TP53BP1: variants seen among roughly 807,000 people sequenced by gnomAD.
TP53BP1 encodes the protein tumor protein p53 binding protein 1.
TP53BP1 carries 61 observed loss-of-function variants against 200.8 expected under a neutral mutation model. That is an observed-to-expected ratio of 0.30 (90% CI 0.25 to 0.38). The LOEUF is 0.38. Among genes scored for constraint, TP53BP1 ranks in the 10% least tolerant of loss-of-function variants. The probability of loss-of-function intolerance (pLI) is 1.00; values close to 1 mark genes in which losing one functional copy is unlikely to be tolerated. For missense variants in TP53BP1, 2,144 were observed against 2,371.9 expected, an observed-to-expected ratio of 0.90 and a Z score of 2.00; for synonymous variants, 822 against 844.3, an observed-to-expected ratio of 0.97 and a Z score of 0.46.
chr15:43,460,139 AAATT>A (rs138459914), intron 11 of TP53BP1, among the ~76,000 whole-genome samples: 119 of 152,290 alleles, frequency 7.8e-4, no homozygotes, highest in Admixed American at 1.4e-3. Flanking sequence ...TTAAAAAGAG[AAATT>A]AATACAAAAC....
At chr15:43,478,657 A>G (rs2078917679) in intron 7 of TP53BP1, among the ~76,000 whole-genome samples, 1 of 152,218 alleles carries the variant, frequency 6.6e-6, no homozygotes, top group African/African-American at 2.4e-5. Flanking sequence ...TTAAGAGCCT[A>G]AAGAACCTGA....
Position 43,438,375 on chromosome 15 carries a change from G to T in TP53BP1, c.3140C>A (p.Ala1047Asp). ...ACTTCGAGCCTCATTCTCTTGCCTG[G>T]CTTCACAGATACAGCTCAACACAGA... ...TMSVLSCICE[A>D]RQENEARSED... is the part of the protein sequence containing the mutation. The change falls in exon 16 of 28, where the codon GCC becomes GAC. Residue 1047 changes from alanine (A) to aspartate (D), a missense_variant. This residue lies in a region of TP53BP1 where 1,700 missense variants were observed against 1,710.3 expected (regional missense o/e 0.99). Transcript: ENST00000382044. 1 of 1,613,790 alleles carries T rather than the reference G, an allele frequency of 6.2e-7. No homozygotes were observed. The highest frequency in any genetic ancestry group is 1.1e-5 in the South Asian group (1 of 90,970).
intron 1 of TP53BP1, 129 bp from the exon 2 acceptor site, chr15:43,492,597 A>T (rs189890450): frequency 1.5e-6 from 1 of 670,580 alleles, no homozygotes; most frequent in Non-Finnish European, 2.5e-6. Context: ...CTCCAATTAG[A>T]ATATTATATT....
At chr15:43,503,875 T>C (rs1299506968) in intron 1 of TP53BP1, among the ~76,000 whole-genome samples, 1 of 152,220 alleles carries the variant, frequency 6.6e-6, no homozygotes, top group African/African-American at 2.4e-5. Flanking sequence ...GGGTGGTTGG[T>C]TCCGTACTGA....
chr15:43,493,350 G>A (rs557865357), upstream of TP53BP1, among the ~76,000 whole-genome samples: 2 of 152,230 alleles, frequency 1.3e-5, no homozygotes, highest in East Asian at 1.9e-4. Flanking sequence ...GGAGAATGAC[G>A]GTATCCTTGA....
chr15:43,477,745 G>T lies in TP53BP1; in HGVS notation c.803C>A (p.Pro268His). 6.2e-7 allele frequency: 1 copy of T among 1,609,188 alleles called. No homozygotes were observed. Among genetic ancestry groups the T allele is most frequent in the Non-Finnish European group, 8.5e-7 (1 of 1,178,120 alleles). ...AGCAACAGATGCTTTGGGGCTAAAAGGCATGTCCTCTGACCTAGGAAATTC... is the reference window on the plus strand; with the variant it reads ...AGCAACAGATGCTTTGGGGCTAAAATGCATGTCCTCTGACCTAGGAAATTC... ...NPPPARSEDM[P>H]FSPKASVAAM... Residue 268 changes from proline to histidine, a missense_variant, in exon 8 of 28, where the codon CCT (proline) becomes CAT (histidine). Physicochemically the swap from Pro to His is moderately conservative, Grantham distance 77. This residue lies in a region of TP53BP1 where 1,700 missense variants were observed against 1,710.3 expected (regional missense o/e 0.99). Coordinates refer to ENST00000382044, the MANE Select transcript of TP53BP1 (RefSeq NM_001141980.3).
chr15:43,444,753 C>A (rs773989366), intron 14 of TP53BP1, among the ~76,000 whole-genome samples: 3 of 151,778 alleles, frequency 2.0e-5, no homozygotes, highest in Non-Finnish European at 2.9e-5. Context: ...TCTCTGGTCT[C>A]AGGGAAGAAG....
chr15:43,437,545 G>A (rs1283446750), intron 16 of TP53BP1, among the ~76,000 whole-genome samples: 1 of 151,356 alleles, frequency 6.6e-6, no homozygotes, highest in Non-Finnish European at 1.5e-5. Context: ...AGCCCAAGAG[G>A]TAAAGGCTTC....
chr15:43,497,267 C>A (rs1380651125), upstream of TP53BP1: 1 of 203,970 alleles, frequency 4.9e-6, no homozygotes, highest in Non-Finnish European at 8.7e-6. Context: ...GTATTCCCAG[C>A]TACTCAGGAG....
intron 12 of TP53BP1, among the ~76,000 whole-genome samples, chr15:43,450,198 T>C (rs1027361466): frequency 6.6e-6 from 1 of 152,200 alleles, no homozygotes; most frequent in Non-Finnish European, 1.5e-5. Flanking sequence ...AGTGGGAGTA[T>C]GTGTCCTTTA....
intron 4 of TP53BP1, among the ~76,000 whole-genome samples, chr15:43,483,233 A>AACACACACACAC (rs71431896): frequency 0.014 from 1,940 of 142,782 alleles, 37 homozygotes; most frequent in African/African-American, 0.04. Flanking sequence ...AAAAGTACAG[A>AACACACACACAC]ACACACACAC....
Position 43,409,706 on chromosome 15 carries a change from T to A in TP53BP1, c.5341A>T (p.Thr1781Ser). 6.4e-7 allele frequency: 1 copy of A among 1,573,534 alleles called. No individual in the cohort carries two copies. The highest frequency in any genetic ancestry group is 8.6e-7 in the Non-Finnish European group (1 of 1,162,794). ...GCTCCTGCTCGAAGCTGGGATTCTG[T>A]ATACTGCTTGTTGAAAGGAGGAATT... ...LEIPPFNKQY[T>S]ESQLRAGAGY... The change falls in exon 25 of 28, where the codon ACA (threonine) becomes TCA (serine). Residue 1781 changes from threonine to serine, a missense_variant. Thr to Ser is a moderately conservative substitution (Grantham distance 58, BLOSUM62 1). This residue lies in a region of TP53BP1 where 334 missense variants were observed against 453.4 expected (regional missense o/e 0.74). Transcript: ENST00000382044.
intron 16 of TP53BP1, among the ~76,000 whole-genome samples, chr15:43,433,078 CT>C (rs1056629928): frequency 6.6e-6 from 1 of 152,048 alleles, no homozygotes; most frequent in African/African-American, 2.4e-5. Context: ...GTCAAGATGT[CT>C]TATCTGGCCT....
At position 43,407,553 on chromosome 15, in the gene TP53BP1, A is replaced by G; in HGVS notation, c.5764T>C (p.Phe1922Leu). ...GAGGGGTCCGTCACCACCACATCAA[A>G]TACCCCTAAAGCAATATCTGCAAGG... ...AHNKDIALGV[F>L]DVVVTDPSCP... is the part of the protein sequence containing the mutation. The change falls in exon 28 of 28, where the codon TTT becomes CTT. Residue 1922 changes from phenylalanine to leucine, a missense_variant. Around this residue, in one of 4 missense-constraint regions of TP53BP1, gnomAD observed 334 missense variants for 453.4 expected, o/e 0.74. Coordinates refer to ENST00000382044, the MANE Select transcript of TP53BP1 (RefSeq NM_001141980.3). 1 of 1,613,844 alleles carries G rather than the reference A, an allele frequency of 6.2e-7. No homozygotes were observed. The highest frequency in any genetic ancestry group is 8.5e-7 in the Non-Finnish European group (1 of 1,179,844).
Position 43,432,323 on chromosome 15 carries a change from C to T in TP53BP1, c.3546G>A (p.Val1182=), listed in dbSNP as rs2045690150. Residue 1182 remains valine (V), a synonymous_variant, in exon 17 of 28, where the codon GTG becomes GTA. Coordinates refer to ENST00000382044, the MANE Select transcript of TP53BP1 (RefSeq NM_001141980.3). Reference sequence around the variant, plus strand: ...CCACTGTACTGGTCCCCTGCTCACACACATTCTTTATAGTCTGGGTTGCTG... The same window carrying T: ...CCACTGTACTGGTCCCCTGCTCACATACATTCTTTATAGTCTGGGTTGCTG... ...VSAATQTIKN[V]CEQGTSTVDQ... 6.2e-7 allele frequency: 1 copy of T among 1,614,094 alleles called. No homozygotes were observed. Among genetic ancestry groups the T allele is most frequent in the Non-Finnish European group, 8.5e-7 (1 of 1,180,034 alleles).
At position 43,480,850 on chromosome 15, in the gene TP53BP1, G is replaced by C. The variant is rs372572610; in HGVS notation, c.499+45C>G. 15 of 1,603,334 alleles carry C rather than the reference G, an allele frequency of 9.4e-6. No homozygotes were observed. The East Asian group carries it at 1.8e-4, about 19-fold the overall frequency. ...TAGACATCTGCACAATCATGTTAAAGGGAAGTTAGAACAGTCTATTATTCT... is the reference window on the plus strand; with the variant it reads ...TAGACATCTGCACAATCATGTTAAACGGAAGTTAGAACAGTCTATTATTCT... On this transcript the variant is annotated intron_variant, in intron 5 of 27. Transcript: ENST00000382044.
chr15:43,462,949 T>C (rs2046476241), intron 11 of TP53BP1, among the ~76,000 whole-genome samples: 1 of 152,014 alleles, frequency 6.6e-6, no homozygotes, highest in Admixed American at 6.6e-5. Context: ...CCCAGTTACT[T>C]GGGGTGCTGA....
chr15:43,440,604 T>TTGG (rs1317896087), intron 15 of TP53BP1, among the ~76,000 whole-genome samples: 1 of 151,974 alleles, frequency 6.6e-6, no homozygotes, highest in Non-Finnish European at 1.5e-5. Context: ...TTAAGAATTC[T>TTGG]TGGTGGGGCA....
intron 11 of TP53BP1, among the ~76,000 whole-genome samples, chr15:43,458,710 T>C (rs1377926041): frequency 6.6e-6 from 1 of 151,538 alleles, no homozygotes; most frequent in Non-Finnish European, 1.5e-5. Context: ...GCCACAGGAG[T>C]TCAAGGCTGC....
Sources: allele counts gnomAD v4.1 joint callset (sites outside exome capture counted in the v4.1 genomes callset), GRCh38; gene constraint gnomAD v4.1.1; regional missense constraint gnomAD v4.1.1; transcripts MANE v1.5; gene names NCBI Gene and HGNC (gene_info 2026-07-23, HGNC 2026-07-21).